Variants in TINAG observed in about 807,000 individuals in gnomAD.
The protein encoded by TINAG is tubulointerstitial nephritis antigen.
A neutral mutation model predicts 72.7 loss-of-function variants in TINAG; 83 were observed. That is an observed-to-expected ratio of 1.14 (90% CI 0.96 to 1.37). TINAG has a LOEUF of 1.37. Ranked by LOEUF, TINAG falls within the 40% of genes most tolerant of loss-of-function variation. The probability of loss-of-function intolerance (pLI) is 0.00; values close to 1 mark genes in which losing one functional copy is unlikely to be tolerated. For missense variants in TINAG, 685 were observed against 576.6 expected (o/e 1.19, Z -1.93); for synonymous variants, 234 against 189.9 (o/e 1.23, Z -1.91).
intron 4 of TINAG, among the ~76,000 whole-genome samples, chr6:54,329,120 A>G (rs573882980): frequency 1.3e-5 from 2 of 152,242 alleles, no homozygotes; most frequent in South Asian, 4.1e-4. Context: ...GGAGATACAG[A>G]GAACACCACA....
rs1319456855 is a variant in TINAG at position 54,308,727 on chromosome 6, T to A, written c.177T>A (p.Asn59Lys). ...RAIFQGQYCRNFGCCEDRDDG... is the reference protein window; with the variant it reads ...RAIFQGQYCRKFGCCEDRDDG... ...TTTTCCAAGGGCAATACTGTAGAAA[T>A]TTTGGCTGTTGTGAAGACAGAGATG... Residue 59 changes from asparagine (N) to lysine (K), a missense_variant, in exon 1 of 11, where the codon AAT becomes AAA. Asn to Lys is a moderately conservative substitution (Grantham distance 94). Coordinates refer to ENST00000259782, the MANE Select transcript of TINAG (RefSeq NM_014464.4). 6.2e-7 allele frequency: 1 copy of A among 1,613,884 alleles called. No homozygotes were observed. Among genetic ancestry groups the A allele is most frequent in the Non-Finnish European group, 8.5e-7 (1 of 1,179,876 alleles).
intron 4 of TINAG, among the ~76,000 whole-genome samples, chr6:54,330,262 A>G (rs1784706170): frequency 1.3e-5 from 2 of 152,178 alleles, no homozygotes; most frequent in African/African-American, 4.8e-5. Context: ...GGAAATCATA[A>G]CAAACAGTCT....
At chr6:54,345,844 C>A (rs1051901177) in intron 5 of TINAG, among the ~76,000 whole-genome samples, 9 of 151,466 alleles carry the variant, frequency 5.9e-5, no homozygotes, top group African/African-American at 2.2e-4. Flanking sequence ...TATGTGTATA[C>A]AAAGATACAT....
intron 9 of TINAG, among the ~76,000 whole-genome samples, chr6:54,355,714 C>CGTGTGTGTGTGT (rs5876379): frequency 1.9e-4 from 27 of 145,200 alleles, no homozygotes; most frequent in East Asian, 1.4e-3. Flanking sequence ...AAAAATGTAA[C>CGTGTGTGTGTGT]GTGTGTGTGT....
intron 4 of TINAG, among the ~76,000 whole-genome samples, chr6:54,340,395 C>CAA (rs374080620): frequency 2.4e-4 from 30 of 125,350 alleles, no homozygotes; most frequent in Non-Finnish European, 3.0e-4. Context: ...TTTTATTAAG[C>CAA]AAAAAAAAAA....
chr6:54,380,459 G>T lies in TINAG; in HGVS notation c.1251-67G>T. 6 of 1,329,062 alleles carry T rather than the reference G, an allele frequency of 4.5e-6. No individual in the cohort carries two copies. In the South Asian group the frequency reaches 7.4e-5, roughly 16 times the overall value. The allele number at this position is 1,329,062 out of a possible 1,614,324, so 82.3% of individuals were successfully genotyped here. ...AAAGATGTAGGAATGACAATAATCT[G>T]CATTCTCTCAAGAAGCAAACCAAAC... is the stretch of plus-strand genomic sequence containing the variant. On this transcript the variant is annotated intron_variant, in intron 9 of 10. Transcript: ENST00000259782.
chr6:54,346,978 T>C (rs1033751179), intron 5 of TINAG, among the ~76,000 whole-genome samples: 3 of 152,082 alleles, frequency 2.0e-5, no homozygotes, highest in African/African-American at 4.8e-5. Context: ...AAATATGTAT[T>C]TTCCCATGAC....
chr6:54,347,528 G>T lies in TINAG; in HGVS notation c.899+11G>T. On this transcript the variant is annotated intron_variant, in intron 6 of 10. Transcript: ENST00000259782. ...CCTGAGAAAACGTGGGTAAATAGCT[G>T]CTCAACATGTGTTTCTAGGATTTTT... 1 of 1,611,062 alleles carries T rather than the reference G, an allele frequency of 6.2e-7. No individual in the cohort carries two copies. The highest frequency in any genetic ancestry group is 8.5e-7 in the Non-Finnish European group (1 of 1,178,398).
intron 1 of TINAG, among the ~76,000 whole-genome samples, chr6:54,314,764 C>T (rs1784334293): frequency 6.6e-6 from 1 of 151,984 alleles, no homozygotes; most frequent in South Asian, 2.1e-4. Flanking sequence ...GCATACAGTG[C>T]ATACAAAAAA....
intron 4 of TINAG, among the ~76,000 whole-genome samples, chr6:54,333,708 A>G (rs1784798222): frequency 6.6e-6 from 1 of 152,194 alleles, no homozygotes; most frequent in Admixed American, 6.5e-5. Context: ...TCACAGAAAT[A>G]CAAATTTCGG....
intron 9 of TINAG, among the ~76,000 whole-genome samples, chr6:54,367,618 G>A (rs957455197): frequency 5.3e-5 from 8 of 151,700 alleles, no homozygotes; most frequent in South Asian, 2.1e-4. Flanking sequence ...AAAGGCGAAC[G>A]TGTTAATTAT....
chr6:54,388,990 T>C (rs1764175260), intron 10 of TINAG, among the ~76,000 whole-genome samples: 1 of 152,178 alleles, frequency 6.6e-6, no homozygotes, highest in South Asian at 2.1e-4. Flanking sequence ...AATCACAGTA[T>C]GAATTTGCCC....
chr6:54,360,841 G>GTTTTTTTTTTTTTTTTTTTTTTTTTTTTT lies in TINAG; in HGVS notation c.1250+6208_1250+6236dup, dbSNP rs70983415. Among the ~76,000 whole-genome samples the GTTTTTTTTTTTTTTTTTTTTTTTTTTTTT allele has an allele frequency of 6.9e-4, 18 of 26,254 alleles. 3 individuals are homozygous for GTTTTTTTTTTTTTTTTTTTTTTTTTTTTT. The highest frequency in any genetic ancestry group is 1.2e-3 in the East Asian group (1 of 806). The allele number at this position is 26,254 out of a possible 152,430, so 17.2% of individuals were successfully genotyped here. A position where few individuals can be genotyped will look rare whatever the true frequency, so the allele number is the denominator to read the frequency against. On this transcript the variant is annotated intron_variant, in intron 9 of 10. Coordinates refer to ENST00000259782, the MANE Select transcript of TINAG (RefSeq NM_014464.4). The stretch of plus-strand genomic sequence containing the variant: ...GTTTCTTGTGTTTCACAGATACTGT[G>GTTTTTTTTTTTTTTTTTTTTTTTTTTTTT]TTTTTTTTTTTTTTTTTTTTTTTTT...
chr6:54,332,534 A>G (rs899289191), intron 4 of TINAG, among the ~76,000 whole-genome samples: 1 of 152,180 alleles, frequency 6.6e-6, no homozygotes, highest in South Asian at 2.1e-4. Context: ...AACCTAGGCA[A>G]TACCATTCAG....
At chr6:54,313,316 T>C (rs1784300874) in intron 1 of TINAG, among the ~76,000 whole-genome samples, 1 of 152,150 alleles carries the variant, frequency 6.6e-6, no homozygotes, top group Admixed American at 6.6e-5. Context: ...ATTCCTGTTA[T>C]TTAAATATAG....
chr6:54,352,640 T>G (rs1785293544), intron 8 of TINAG, among the ~76,000 whole-genome samples: 1 of 151,810 alleles, frequency 6.6e-6, no homozygotes, highest in South Asian at 2.1e-4. Flanking sequence ...ATCCCAACTT[T>G]GGCATTTGCT....
chr6:54,330,471 T>C (rs1202171251), intron 4 of TINAG, among the ~76,000 whole-genome samples: 2 of 152,088 alleles, frequency 1.3e-5, no homozygotes, highest in East Asian at 3.9e-4. Flanking sequence ...TAGAGGGAAA[T>C]TTATAGCATG....
At chr6:54,338,622 G>A (rs1784923880) in intron 4 of TINAG, among the ~76,000 whole-genome samples, 1 of 151,008 alleles carries the variant, frequency 6.6e-6, no homozygotes, top group African/African-American at 2.4e-5. Context: ...TACTCGGGAG[G>A]CTGAGGCAGG....
intron 3 of TINAG, 39 bp from the exon 4 acceptor site, chr6:54,326,763 T>A (rs769467321): frequency 1.2e-5 from 17 of 1,433,152 alleles, no homozygotes; most frequent in Non-Finnish European, 1.6e-5. Context: ...ATATAACCTG[T>A]ATATATTTTT....
Sources: allele counts gnomAD v4.1 joint callset (sites outside exome capture counted in the v4.1 genomes callset), GRCh38; gene constraint gnomAD v4.1.1; transcripts MANE v1.5; gene names NCBI Gene and HGNC (gene_info 2026-07-23, HGNC 2026-07-21).